KIF23: variants seen among roughly 807,000 people sequenced by gnomAD.
KIF23 encodes kinesin-like protein KIF23.
KIF23 carries 30 observed loss-of-function variants against 137.5 expected under a neutral mutation model. That is an observed-to-expected ratio of 0.22 (90% confidence interval 0.16 to 0.30). The LOEUF is 0.30. Ranked by LOEUF, KIF23 falls within the 10% of genes least tolerant of loss-of-function variation. The probability of loss-of-function intolerance (pLI) is 1.00; values close to 1 mark genes in which losing one functional copy is unlikely to be tolerated. For synonymous variants in KIF23, 367 were observed against 391.1 expected (o/e 0.94, Z 0.73); for missense variants, 920 against 1,194.3 (o/e 0.77, Z 3.38).
intron 2 of KIF23, 56 bp downstream of exon 2, chr15:69,416,119 C>T: frequency 8.8e-7 from 1 of 1,141,730 alleles, no homozygotes; most frequent in Non-Finnish European, 1.3e-6. Flanking sequence ...CTCTTCAGTC[C>T]TTTCTGTCTT....
intron 11 of KIF23, among the ~76,000 whole-genome samples, chr15:69,431,351 C>T (rs1487313014): frequency 3.3e-5 from 5 of 152,212 alleles, no homozygotes; most frequent in East Asian, 1.9e-4. Flanking sequence ...CAGTGGCTCA[C>T]GCCTGTAATC....
chr15:69,423,180 T>C lies in KIF23; in HGVS notation c.585T>C (p.Phe195=). ...TTAGACGACAAGTAGATCCAGAGTT[T>C]GCAGATATGATAACTGTACAAGAAT... is the stretch of plus-strand genomic sequence containing the variant. ...SSSKRQVDPE[F]ADMITVQEFC... Residue 195 remains phenylalanine (F), a synonymous_variant, in exon 7 of 24, where the codon TTT becomes TTC. Transcript: ENST00000679126. 1 of 1,598,434 alleles carries C rather than the reference T, an allele frequency of 6.3e-7. No individual in the cohort carries two copies. Among genetic ancestry groups the C allele is most frequent in the Non-Finnish European group, 8.5e-7 (1 of 1,172,502 alleles).
In KIF23 at chr15:69,436,463, C is replaced by A. The variant is rs370163336; in HGVS notation, c.1439-101C>A. ...AAACTTATGTCAGCTCAAGAAATTG[C>A]AATGGTTAGTTGCACTGGGGCTGTA... On this transcript the variant is annotated intron_variant, in intron 14 of 23. Transcript: ENST00000679126. 54 of 1,195,618 alleles carry A rather than the reference C, an allele frequency of 4.5e-5. No homozygotes were observed. In the East Asian group the frequency reaches 1.1e-3, roughly 25 times the overall value. 74.1% of individuals were successfully genotyped at this position (1,195,618 alleles called of 1,614,324 possible). A position where few individuals can be genotyped will look rare whatever the true frequency, so the allele number is the denominator to read the frequency against.
chr15:69,447,873 G>A lies in KIF23; in HGVS notation c.*66G>A. 6.5e-7 allele frequency: 1 copy of A among 1,538,418 alleles called. No individual in the cohort carries two copies. On this transcript the variant is annotated 3_prime_UTR_variant, in exon 24 of 24. Coordinates refer to ENST00000679126, the MANE Select transcript of KIF23 (RefSeq NM_001367805.3). ...GGATGATTTCTCGAAAGCCATGCCA[G>A]AAGCAGTCTTCCAGGTCATCTTGTA...
intron 7 of KIF23, among the ~76,000 whole-genome samples, chr15:69,424,419 CT>C: frequency 6.6e-6 from 1 of 152,308 alleles, no homozygotes; most frequent in South Asian, 2.1e-4. Context: ...GGACTTATTT[CT>C]GGAGTGACCT....
At chr15:69,443,966 GTTTGT>G (rs141660892) in intron 19 of KIF23, 126,316 of 150,084 alleles carry the variant, frequency 0.84, 55,090 homozygotes, top group Non-Finnish European at 0.97. Flanking sequence ...ATATATTTTT[GTTTGT>G]TTTGTTTTGT....
chr15:69,424,336 A>G (rs2057135888), intron 7 of KIF23, among the ~76,000 whole-genome samples: 1 of 152,184 alleles, frequency 6.6e-6, no homozygotes, highest in Admixed American at 6.5e-5. Flanking sequence ...TAACACTCTT[A>G]ATACTAAGAG....
At chr15:69,445,832 T>G (rs945897031) in intron 20 of KIF23, among the ~76,000 whole-genome samples, 177 bp from the exon 21 acceptor site, 4 of 152,256 alleles carry the variant, frequency 2.6e-5, no homozygotes, top group African/African-American at 9.6e-5. Flanking sequence ...GTGAGAGATA[T>G]GTACTCAAAT....
At chr15:69,424,190 ACTTGATACAAG>A (rs1405415844) in intron 7 of KIF23, among the ~76,000 whole-genome samples, 1 of 152,224 alleles carries the variant, frequency 6.6e-6, no homozygotes, top group Non-Finnish European at 1.5e-5. Flanking sequence ...TTGAGGCCAT[ACTTGATACAAG>A]CATTTCTGTG....
Position 69,434,681 on chromosome 15 carries a change from G to A in KIF23, c.1115-802G>A, listed in dbSNP as rs115643610. ...CTCACCCTCCTGTCTTGAGTTCGCC[G>A]TTGACCTTGAGCCAGAGCCTCAGAT... On this transcript the variant is annotated intron_variant, in intron 11 of 23. Transcript: ENST00000679126. 3,593 of 1,479,012 alleles carry A rather than the reference G, an allele frequency of 2.4e-3. 35 individuals carry two copies. Among genetic ancestry groups the A allele is most frequent in the African/African-American group, 0.024 (1,744 of 72,074 alleles). 91.6% of individuals were successfully genotyped at this position (1,479,012 alleles called of 1,614,324 possible). A position where few individuals can be genotyped will look rare whatever the true frequency, so the allele number is the denominator to read the frequency against.
chr15:69,424,496 A>T (rs1360369580), intron 7 of KIF23, among the ~76,000 whole-genome samples: 1 of 152,188 alleles, frequency 6.6e-6, no homozygotes, highest in Non-Finnish European at 1.5e-5. Context: ...GGAGCAATAC[A>T]TGGAAGAGTT....
rs1171986002 is a variant in KIF23 at position 69,436,246 on chromosome 15, G to A, written c.1423G>A (p.Gly475Ser). The change falls in exon 14 of 24, where the codon GGT (glycine) becomes AGT (serine). Residue 475 changes from glycine to serine, a missense_variant. By Grantham distance (56) the Gly-to-Ser change is moderately conservative. Around this residue, in one of 4 missense-constraint regions of KIF23, gnomAD observed 714 missense variants for 866.2 expected, o/e 0.82. Coordinates refer to ENST00000679126, the MANE Select transcript of KIF23 (RefSeq NM_001367805.3). ...PGRRYRNQPR[G>S]PVGNEPLVTD... is the part of the protein sequence containing the mutation. ...GAGGAGATACAGAAACCAGCCTCGA[G>A]GTCCAGTTGGAAATGGTATGATTTG... The A allele has an allele frequency of 3.1e-6, 5 of 1,613,652 alleles. No homozygotes were observed. The highest frequency in any genetic ancestry group is 2.7e-5 in the African/African-American group (2 of 74,862).
At position 69,423,146 on chromosome 15, in the gene KIF23, T is replaced by TC; in HGVS notation, c.564-13_564-12insC. 2.6e-6 allele frequency: 4 copies of TC among 1,528,314 alleles called. No individual in the cohort carries two copies. The highest frequency in any genetic ancestry group is 3.6e-6 in the Non-Finnish European group (4 of 1,118,770). The allele number at this position is 1,528,314 out of a possible 1,614,324, so 94.7% of individuals were successfully genotyped here. A position where few individuals can be genotyped will look rare whatever the true frequency, so the allele number is the denominator to read the frequency against. ...GACTTATAACGTATACAATTGAACTTTTCTTTTTTTAGACGACAAGTAGAT... is the reference window on the plus strand; with the variant it reads ...GACTTATAACGTATACAATTGAACTTCTTCTTTTTTTAGACGACAAGTAGAT... On this transcript the variant is annotated splice_polypyrimidine_tract_variant and intron_variant, in intron 6 of 23. Transcript: ENST00000679126.
In KIF23 at chr15:69,440,911, C is replaced by G; in HGVS notation, c.2253C>G (p.Asn751Lys). The G allele has an allele frequency of 1.2e-6, 2 of 1,614,182 alleles. No homozygotes were observed. Among genetic ancestry groups the G allele is most frequent in the Non-Finnish European group, 8.5e-7 (1 of 1,180,038 alleles). The change falls in exon 19 of 24, where the codon AAC (asparagine) becomes AAG (lysine). Residue 751 changes from asparagine to lysine, a missense_variant. Physicochemically the swap from Asn to Lys is moderately conservative, Grantham distance 94. Coordinates refer to ENST00000679126, the MANE Select transcript of KIF23 (RefSeq NM_001367805.3). The stretch of plus-strand genomic sequence containing the variant: ...GGGAGCAGAAAATTCCTACGTACAA[C>G]ACACCTCTCAAAGTCACATCTATTG... ...SEWEQKIPTY[N>K]TPLKVTSIAR...
At chr15:69,438,685 C>T (rs1045557514) in intron 16 of KIF23, among the ~76,000 whole-genome samples, 2 of 152,090 alleles carry the variant, frequency 1.3e-5, no homozygotes, top group African/African-American at 2.4e-5. Context: ...CCTGTAATCC[C>T]AGCTACTCAG....
chr15:69,436,425 T>C, intron 14 of KIF23, 139 bp from the exon 15 acceptor site: 1 of 1,202,864 alleles, frequency 8.3e-7, no homozygotes, highest in African/African-American at 1.5e-5. Context: ...CATACTATGA[T>C]TCTTAGGTAA....
chr15:69,421,705 A>G lies in KIF23; in HGVS notation c.269A>G (p.Asp90Gly). Residue 90 changes from aspartate to glycine, a missense_variant, in exon 4 of 24, where the codon GAT becomes GGT. Coordinates refer to ENST00000679126, the MANE Select transcript of KIF23 (RefSeq NM_001367805.3). ...CACACCACCCAGAAGGAACTCTTTG[A>G]TGTTGTGGCTAATCCCTTGGTCAAT... The part of the protein sequence containing the change: ...GTHTTQKELF[D>G]VVANPLVNDL... 6.2e-7 allele frequency: 1 copy of G among 1,613,876 alleles called. No homozygotes were observed. Among genetic ancestry groups the G allele is most frequent in the Non-Finnish European group, 8.5e-7 (1 of 1,179,826 alleles).
intron 3 of KIF23, among the ~76,000 whole-genome samples, chr15:69,419,132 CAA>C (rs2056990820): frequency 6.6e-6 from 1 of 151,086 alleles, no homozygotes; most frequent in African/African-American, 2.5e-5. Flanking sequence ...AACAAACAAA[CAA>C]AGAAACAAAC....
In KIF23 at chr15:69,441,053, G is replaced by C. The variant is rs1567078336; in HGVS notation, c.2395G>C (p.Glu799Gln). 1.2e-6 allele frequency: 2 copies of C among 1,612,922 alleles called. No individual in the cohort carries two copies. Among genetic ancestry groups the C allele is most frequent in the African/African-American group, 2.7e-5 (2 of 75,038 alleles). ...GGTTCCTACATTCAGAAATGAGATA[G>C]AAATAGAAGAGGATCATTGCGGCAG... ...EVVPTFRNEI[E>Q]IEEDHCGRLL... The change falls in exon 19 of 24, where the codon GAA (glutamate) becomes CAA (glutamine). Residue 799 changes from glutamate to glutamine, a missense_variant. Glu to Gln is a conservative substitution (Grantham distance 29). Coordinates refer to ENST00000679126, the MANE Select transcript of KIF23 (RefSeq NM_001367805.3).
Sources: allele counts gnomAD v4.1 joint callset (sites outside exome capture counted in the v4.1 genomes callset), GRCh38; gene constraint gnomAD v4.1.1; regional missense constraint gnomAD v4.1.1; transcripts MANE v1.5; gene names NCBI Gene and HGNC (gene_info 2026-07-23, HGNC 2026-07-21).